The following EYS variants were observed in gnomAD, a reference collection of about 807,000 sequenced individuals.
EYS encodes EGF-like photoreceptor maintenance factor.
A neutral mutation model predicts 282.1 loss-of-function variants in EYS; 250 were observed. That is an observed-to-expected ratio of 0.89 (90% CI 0.80 to 0.98). The LOEUF (loss-of-function observed/expected upper bound fraction) is 0.98, where lower values mean the gene tolerates loss of function less well. EYS is among the 50% of genes least tolerant of loss of function. EYS has a pLI of 0.00. For synonymous variants in EYS, 1,355 were observed against 1,282.9 expected (o/e 1.06, Z -1.20); for missense variants, 4,016 against 3,709.0 (o/e 1.08, Z -2.15).
intron 22 of EYS, among the ~76,000 whole-genome samples, chr6:64,742,840 T>G (rs1224850143): frequency 2.0e-5 from 3 of 152,124 alleles, no homozygotes; most frequent in Non-Finnish European, 4.4e-5. Flanking sequence ...AGCTTAATCG[T>G]GTCATTCATT....
At chr6:65,626,754 C>T (rs930651393) in intron 2 of EYS, among the ~76,000 whole-genome samples, 1 of 151,834 alleles carries the variant, frequency 6.6e-6, no homozygotes, top group African/African-American at 2.4e-5. Flanking sequence ...ACAAATATCC[C>T]AGCCTCAAAG....
intron 5 of EYS, among the ~76,000 whole-genome samples, chr6:65,465,852 A>T (rs1582332275): frequency 6.6e-6 from 1 of 151,926 alleles, no homozygotes; most frequent in Non-Finnish European, 1.5e-5. Context: ...GTGTTGGCTG[A>T]TCCCAGCTAC....
intron 24 of EYS, among the ~76,000 whole-genome samples, chr6:64,598,636 G>A: frequency 6.6e-6 from 1 of 152,150 alleles, no homozygotes; most frequent in East Asian, 1.9e-4. Flanking sequence ...CTGCTTTCTT[G>A]TGGACATTGT....
chr6:64,044,503 T>A (rs989958057), intron 33 of EYS, among the ~76,000 whole-genome samples: 2 of 152,214 alleles, frequency 1.3e-5, no homozygotes, highest in Admixed American at 1.3e-4. Context: ...AAAGCACTCA[T>A]GTAAGGTGAG....
chr6:64,727,275 C>T (rs190076482), intron 22 of EYS, among the ~76,000 whole-genome samples: 43 of 151,310 alleles, frequency 2.8e-4, no homozygotes, highest in Admixed American at 8.5e-4. Flanking sequence ...TTCTGCATTG[C>T]GTAATTATGC....
intron 35 of EYS, among the ~76,000 whole-genome samples, chr6:63,950,440 T>C (rs1002612203): frequency 2.0e-5 from 3 of 151,842 alleles, no homozygotes; most frequent in African/African-American, 7.3e-5. Flanking sequence ...TATAATTTTC[T>C]ATTACCTACC....
intron 15 of EYS, among the ~76,000 whole-genome samples, chr6:64,933,638 T>G (rs1390333187): frequency 6.6e-6 from 1 of 152,150 alleles, no homozygotes; most frequent in East Asian, 1.9e-4. Flanking sequence ...ACTGGGTATA[T>G]ACCTGAAGGA....
intron 34 of EYS, 37 bp from the exon 35 acceptor site, chr6:63,984,640 G>C (rs145819202): frequency 3.2e-5 from 45 of 1,385,100 alleles, no homozygotes; most frequent in African/African-American, 2.2e-4. Context: ...ATTATAGGTT[G>C]TTGTCAGATT....
chr6:64,439,118 C>T, intron 27 of EYS, 44 bp downstream of exon 27: 7 of 1,104,714 alleles, frequency 6.3e-6, no homozygotes, highest in Non-Finnish European at 8.7e-6. Flanking sequence ...ATAATTAGAA[C>T]AACTTTGTAA....
intron 22 of EYS, among the ~76,000 whole-genome samples, chr6:64,671,089 T>C (rs1216112569): frequency 2.0e-5 from 3 of 152,186 alleles, no homozygotes; most frequent in Non-Finnish European, 4.4e-5. Context: ...CTCAAATTTA[T>C]TCTACTTTCA....
intron 31 of EYS, among the ~76,000 whole-genome samples, chr6:64,173,912 ACAACCTGAGTGTTCAT>A (rs1329208663): frequency 3.5e-4 from 54 of 152,260 alleles, no homozygotes; most frequent in African/African-American, 9.6e-4. Flanking sequence ...GCAGATGGGA[ACAACCTGAGTGTTCAT>A]CAATGGATGA....
At chr6:65,530,977 C>T (rs183274629) in intron 2 of EYS, among the ~76,000 whole-genome samples, 8 of 152,144 alleles carry the variant, frequency 5.3e-5, no homozygotes, top group Non-Finnish European at 8.8e-5. Flanking sequence ...TATAATCACT[C>T]GCTCCTATAA....
intron 36 of EYS, among the ~76,000 whole-genome samples, chr6:63,849,861 G>A (rs965919220): frequency 6.6e-6 from 1 of 152,052 alleles, no homozygotes; most frequent in Admixed American, 6.6e-5. Context: ...TTAGAGGGTG[G>A]GTAATAACAA....
chr6:64,382,646 T>C (rs531011101), intron 29 of EYS, among the ~76,000 whole-genome samples: 2 of 152,154 alleles, frequency 1.3e-5, no homozygotes, highest in African/African-American at 2.4e-5. Context: ...TAGAAGAAAC[T>C]ATGATTAAAT....
At chr6:65,371,088 GCATCCATGGATTCAAC>G in intron 8 of EYS, among the ~76,000 whole-genome samples, 1 of 151,836 alleles carries the variant, frequency 6.6e-6, no homozygotes, top group East Asian at 1.9e-4. Flanking sequence ...CATGAGTTCT[GCATCCATGGATTCAAC>G]CAACTGTGGC....
intron 25 of EYS, 125 bp from the exon 26 acceptor site, chr6:64,592,114 G>T: frequency 1.8e-6 from 1 of 558,988 alleles, no homozygotes; most frequent in Non-Finnish European, 3.0e-6. Flanking sequence ...GACAAATATG[G>T]TTCTGTAAAT....
intron 12 of EYS, among the ~76,000 whole-genome samples, chr6:65,189,065 A>C (rs573314298): frequency 5.4e-4 from 82 of 151,786 alleles, no homozygotes; most frequent in Admixed American, 1.1e-3. Context: ...TTACAGTTTT[A>C]ATTTTTTTTA....
chr6:63,873,516 C>T (rs1354566850), intron 35 of EYS, among the ~76,000 whole-genome samples: 1 of 152,008 alleles, frequency 6.6e-6, no homozygotes, highest in African/African-American at 2.4e-5. Flanking sequence ...GGATATATGC[C>T]CAGTAATGGG....
chr6:65,326,391 T>G (rs1769622407), intron 11 of EYS, among the ~76,000 whole-genome samples: 1 of 151,444 alleles, frequency 6.6e-6, no homozygotes, highest in African/African-American at 2.4e-5. Context: ...TAAAATAAAT[T>G]CATATAGATA....
Sources: gnomAD v4.1 joint callset for allele counts (sites outside exome capture counted in the v4.1 genomes callset) on GRCh38, gnomAD v4.1.1 for gene constraint, MANE v1.5 for transcripts, NCBI Gene and HGNC (gene_info 2026-07-23, HGNC 2026-07-21) for gene names.